Variants in RNF170 observed in about 807,000 individuals in gnomAD.
RNF170 encodes ring finger protein 170.
In RNF170, 12 loss-of-function variants were observed where a neutral mutation model predicts 32.7. The observed-to-expected ratio is 0.37, with a 90% CI of 0.24 to 0.60. The LOEUF (loss-of-function observed/expected upper bound fraction) is 0.60. Ranked by LOEUF, RNF170 falls within the 20% of genes least tolerant of loss-of-function variation. The pLI is 0.72. For missense variants in RNF170, 212 were observed against 311.2 expected (o/e 0.68, Z 2.40); for synonymous variants, 91 against 103.6 (o/e 0.88, Z 0.74).
Position 42,894,423 on chromosome 8 carries a change from T to C in RNF170, c.-8+2061A>G, listed in dbSNP as rs528667482. On this transcript the variant is annotated intron_variant, in intron 1 of 6. Coordinates refer to ENST00000527424, the MANE Select transcript of RNF170 (RefSeq NM_030954.4). Reference sequence around the variant, plus strand: ...ATGTGACATATACTCACTGACTTCATTCACTTGCCTACAAGATTATACGTC... The same window carrying C: ...ATGTGACATATACTCACTGACTTCACTCACTTGCCTACAAGATTATACGTC... Among the ~76,000 whole-genome samples, 22 of 152,328 alleles carry C rather than the reference T, an allele frequency of 1.4e-4. No individual in the cohort carries two copies. In the South Asian group the frequency reaches 4.3e-3, roughly 30 times the overall value.
In RNF170 at chr8:42,854,840, TA is replaced by T. The variant is rs781204628; in HGVS notation, c.*1318del. 1 of 1,287,282 alleles carries T rather than the reference TA, an allele frequency of 7.8e-7. No individual in the cohort carries two copies. Among genetic ancestry groups the T allele is most frequent in the South Asian group, 1.2e-5 (1 of 80,936 alleles). The allele number at this position is 1,287,282 out of a possible 1,614,324, so 79.7% of individuals were successfully genotyped here. On this transcript the variant is annotated 3_prime_UTR_variant, in exon 7 of 7. Transcript: ENST00000527424. ...AGTAAGATCTCCCAGTACCATGTGG[TA>T]CTGAGTCTTCTCAGATACATTCACT...
downstream of RNF170, among the ~76,000 whole-genome samples, chr8:42,853,022 A>T (rs1802983522): frequency 2.7e-5 from 4 of 149,254 alleles, no homozygotes; most frequent in Admixed American, 1.3e-4. Flanking sequence ...GCTACTTGGG[A>T]GGCTGAGACA....
chr8:42,894,319 C>T lies in RNF170; in HGVS notation c.-8+2165G>A, dbSNP rs1806566232. Among the ~76,000 whole-genome samples the T allele has an allele frequency of 1.3e-5, 2 of 152,170 alleles. 1 individual carries two copies. Among genetic ancestry groups the T allele is most frequent in the South Asian group, 4.1e-4 (2 of 4,830 alleles). On this transcript the variant is annotated intron_variant, in intron 1 of 6. Coordinates refer to ENST00000527424, the MANE Select transcript of RNF170 (RefSeq NM_030954.4). ...TGGAGGAAGGGTGCTCAGGACGGCACAACCACAGTCGCTCCAGTAGGGCCA... is the reference window on the plus strand; with the variant it reads ...TGGAGGAAGGGTGCTCAGGACGGCATAACCACAGTCGCTCCAGTAGGGCCA...
At chr8:42,894,363 T>C (rs1054222740) in intron 1 of RNF170, among the ~76,000 whole-genome samples, 2 of 152,212 alleles carry the variant, frequency 1.3e-5, no homozygotes, top group Non-Finnish European at 2.9e-5. Context: ...TCTGCCCATC[T>C]AAAGACAAGC....
At chr8:42,875,045 C>A (rs1386327582) in intron 2 of RNF170, among the ~76,000 whole-genome samples, 1 of 151,976 alleles carries the variant, frequency 6.6e-6, no homozygotes, top group Non-Finnish European at 1.5e-5. Context: ...GTGGCGAATG[C>A]CTGTAATCCC....
At position 42,855,671 on chromosome 8, in the gene RNF170, T is replaced by A; in HGVS notation, c.*488A>T. 1 of 1,284,010 alleles carries A rather than the reference T, an allele frequency of 7.8e-7. No individual in the cohort carries two copies. The highest frequency in any genetic ancestry group is 1.0e-6 in the Non-Finnish European group (1 of 986,856). 79.5% of individuals were successfully genotyped at this position (1,284,010 alleles called of 1,614,324 possible). A position where few individuals can be genotyped will look rare whatever the true frequency, so the allele number is the denominator to read the frequency against. ...CAGAACTGCTCCAAATGCACAAAAC[T>A]TAGCTAGCACTAAAAGAAATACTGA... On this transcript the variant is annotated 3_prime_UTR_variant, in exon 7 of 7. Coordinates refer to ENST00000527424, the MANE Select transcript of RNF170 (RefSeq NM_030954.4).
chr8:42,892,756 G>A (rs983332466), intron 1 of RNF170, among the ~76,000 whole-genome samples: 17 of 151,620 alleles, frequency 1.1e-4, no homozygotes, highest in African/African-American at 4.1e-4. Flanking sequence ...GGATGCCAAG[G>A]TGGGTGGATC....
chr8:42,858,861 T>C (rs1172856778), intron 6 of RNF170, among the ~76,000 whole-genome samples: 1 of 152,132 alleles, frequency 6.6e-6, no homozygotes, highest in Non-Finnish European at 1.5e-5. Context: ...TGTGGCGCCC[T>C]GTAAGCCACA....
At chr8:42,890,487 C>T (rs564877742) in intron 1 of RNF170, among the ~76,000 whole-genome samples, 10 of 152,058 alleles carry the variant, frequency 6.6e-5, no homozygotes, top group African/African-American at 2.4e-4. Flanking sequence ...CTGTGTTAGC[C>T]AGGATGGTCT....
chr8:42,873,873 A>C (rs1314654277), intron 3 of RNF170, 58 bp downstream of exon 3: 2 of 957,544 alleles, frequency 2.1e-6, no homozygotes, highest in Non-Finnish European at 3.4e-6. Flanking sequence ...TTTTATCACA[A>C]TTTCACATGC....
intron 3 of RNF170, among the ~76,000 whole-genome samples, chr8:42,873,218 G>A (rs113903765): frequency 0.011 from 1,710 of 151,734 alleles, 29 homozygotes; most frequent in African/African-American, 0.038. Context: ...TTGTGAGGCC[G>A]AGGTGAGAGG....
chr8:42,869,465 A>C (rs961361186), intron 4 of RNF170, among the ~76,000 whole-genome samples: 1 of 152,180 alleles, frequency 6.6e-6, no homozygotes, highest in Non-Finnish European at 1.5e-5. Context: ...TAGGATTCTC[A>C]TTCTCCTTCA....
chr8:42,890,467 T>C (rs1806209416), intron 1 of RNF170, among the ~76,000 whole-genome samples: 2 of 151,914 alleles, frequency 1.3e-5, no homozygotes, highest in South Asian at 2.1e-4. Flanking sequence ...TTAGTAGAGA[T>C]GGGGTTTCAC....
At chr8:42,866,880 G>C (rs1196538340) in intron 4 of RNF170, among the ~76,000 whole-genome samples, 3 of 152,206 alleles carry the variant, frequency 2.0e-5, no homozygotes, top group Non-Finnish European at 4.4e-5. Flanking sequence ...TGGGATTTAA[G>C]GGGCCAATCC....
intron 1 of RNF170, among the ~76,000 whole-genome samples, chr8:42,893,806 CTAAGTA>C (rs1347808705): frequency 6.6e-6 from 1 of 152,170 alleles, no homozygotes; most frequent in Non-Finnish European, 1.5e-5. Flanking sequence ...AATCACAGCT[CTAAGTA>C]TGTGTTCCCT....
At chr8:42,879,038 T>C (rs1047278800) in intron 2 of RNF170, among the ~76,000 whole-genome samples, 1 of 152,180 alleles carries the variant, frequency 6.6e-6, no homozygotes, top group East Asian at 1.9e-4. Context: ...ATGACTTTCT[T>C]TGAAAATATT....
chr8:42,883,570 G>GAAAAAAA, intron 2 of RNF170, among the ~76,000 whole-genome samples: 1 of 43,736 alleles, frequency 2.3e-5, no homozygotes, highest in Non-Finnish European at 4.1e-5. Flanking sequence ...CTCTGTCTCA[G>GAAAAAAA]AAAAAAAAAA....
At chr8:42,895,540 A>C (rs1228715354) in intron 1 of RNF170, among the ~76,000 whole-genome samples, 1 of 152,220 alleles carries the variant, frequency 6.6e-6, no homozygotes, top group African/African-American at 2.4e-5. Flanking sequence ...TCCAAAGTGC[A>C]TGTCCTGGAA....
At chr8:42,876,926 AT>A (rs1156259838) in intron 2 of RNF170, among the ~76,000 whole-genome samples, 1 of 147,032 alleles carries the variant, frequency 6.8e-6, no homozygotes, top group African/African-American at 2.5e-5. Context: ...AAATGCTGGG[AT>A]TACAGGCGTG....
Sources: gnomAD v4.1 joint callset for allele counts (sites outside exome capture counted in the v4.1 genomes callset) on GRCh38, gnomAD v4.1.1 for gene constraint, MANE v1.5 for transcripts, NCBI Gene and HGNC (gene_info 2026-07-23, HGNC 2026-07-21) for gene names.